Variants in RNF32 observed in about 807,000 individuals in gnomAD.
The protein encoded by RNF32 is ring finger protein 32.
In RNF32, 36 loss-of-function variants were observed where a neutral mutation model predicts 41.0. That is an observed-to-expected ratio of 0.88 (90% CI 0.67 to 1.16). RNF32 has a LOEUF of 1.16. Ranked by LOEUF, RNF32 falls within the 50% of genes most tolerant of loss-of-function variation. The pLI is 0.00. For missense variants in RNF32, 413 were observed against 436.7 expected (o/e 0.95, Z 0.48); for synonymous variants, 154 against 160.9 (o/e 0.96, Z 0.32).
intron 4 of RNF32, 181 bp from the exon 5 acceptor site, chr7:156,657,359 AT>A (rs1799859234): frequency 3.4e-6 from 2 of 596,298 alleles, no homozygotes; most frequent in Non-Finnish European, 6.0e-6. Context: ...AATTTTTGTT[AT>A]TTAGAGTATA....
chr7:156,662,954 TCTC>T (rs1800854728), intron 7 of RNF32, among the ~76,000 whole-genome samples: 2 of 151,684 alleles, frequency 1.3e-5, no homozygotes. Context: ...TTCAGGCCAT[TCTC>T]CTGCCTCAGC....
intron 7 of RNF32, among the ~76,000 whole-genome samples, chr7:156,672,674 G>A (rs1254869364): frequency 6.6e-6 from 1 of 152,198 alleles, no homozygotes; most frequent in South Asian, 2.1e-4. Flanking sequence ...ACGTATGATA[G>A]AATATATGCA....
chr7:156,673,985 A>C (rs143982923), intron 7 of RNF32, among the ~76,000 whole-genome samples: 217 of 152,168 alleles, frequency 1.4e-3, no homozygotes, highest in African/African-American at 4.3e-3. Context: ...GTCATGGACC[A>C]TCCAAAATGC....
chr7:156,657,596 C>T (rs770614301), intron 5 of RNF32, 23 bp downstream of exon 5: 3 of 1,611,684 alleles, frequency 1.9e-6, no homozygotes, highest in African/African-American at 1.3e-5. Flanking sequence ...CTCACGCCTG[C>T]CCAGGTGCTG....
intron 7 of RNF32, among the ~76,000 whole-genome samples, chr7:156,660,868 CAA>C (rs1197794107): frequency 2.0e-5 from 3 of 152,220 alleles, no homozygotes; most frequent in Non-Finnish European, 4.4e-5. Context: ...GAGTTACAGG[CAA>C]AGACATCAGT....
At chr7:156,661,093 G>A (rs750140607) in intron 7 of RNF32, among the ~76,000 whole-genome samples, 5 of 152,200 alleles carry the variant, frequency 3.3e-5, no homozygotes, top group African/African-American at 9.7e-5. Flanking sequence ...GTCCCTTGCC[G>A]GGCATGGCCT....
At chr7:156,666,732 A>T (rs934714823) in intron 7 of RNF32, among the ~76,000 whole-genome samples, 1 of 152,202 alleles carries the variant, frequency 6.6e-6, no homozygotes, top group African/African-American at 2.4e-5. Context: ...AAGCTGTTCT[A>T]CTAATACCTA....
At chr7:156,661,938 G>A (rs916913143) in intron 7 of RNF32, among the ~76,000 whole-genome samples, 19 of 152,014 alleles carry the variant, frequency 1.2e-4, no homozygotes, top group African/African-American at 4.4e-4. Flanking sequence ...ATACATATAC[G>A]CACACACACT....
intron 7 of RNF32, chr7:156,659,786 T>A: frequency 1.2e-5 from 8 of 688,970 alleles, no homozygotes; most frequent in Non-Finnish European, 1.4e-5. Context: ...TGTTATCTTG[T>A]AAAGTAGCCA....
rs142953352 is a variant in RNF32 at position 156,664,275 on chromosome 7, A to C, written c.684+5705A>C. Among the ~76,000 whole-genome samples the C allele has an allele frequency of 1.5e-3, 222 of 152,156 alleles. 6 individuals are homozygous for C. In the East Asian group the frequency reaches 0.037, roughly 26 times the overall value. On this transcript the variant is annotated intron_variant, in intron 7 of 8. Transcript: ENST00000317955. ...TCGGGAGTTCGAGACCAGCCTGACC[A>C]ACATGGAGAAACCCCTTCTCTACTA...
intron 7 of RNF32, among the ~76,000 whole-genome samples, chr7:156,663,446 A>T (rs561524522): frequency 1.2e-3 from 183 of 152,244 alleles, no homozygotes; most frequent in African/African-American, 4.1e-3. Flanking sequence ...ATAAGAAAAA[A>T]TTTTTTCTGA....
chr7:156,649,424 G>T (rs1585014244), intron 3 of RNF32, among the ~76,000 whole-genome samples: 1 of 151,166 alleles, frequency 6.6e-6, no homozygotes, highest in Non-Finnish European at 1.5e-5. Context: ...TTTTAATCTG[G>T]CCAGGATCTC....
At chr7:156,659,042 C>T (rs991552025) in intron 7 of RNF32, 10 of 1,406,506 alleles carry the variant, frequency 7.1e-6, no homozygotes, top group Non-Finnish European at 8.3e-6. Context: ...GAGCTAACTT[C>T]CATGTCTACC....
intron 7 of RNF32, 136 bp downstream of exon 7, chr7:156,658,706 T>A (rs1323041184): frequency 2.6e-6 from 2 of 760,860 alleles, no homozygotes; most frequent in Non-Finnish European, 4.3e-6. Context: ...GGTGAGATGC[T>A]GCTAAAAATC....
At chr7:156,665,470 CA>C (rs1801218829) in intron 7 of RNF32, among the ~76,000 whole-genome samples, 1 of 152,198 alleles carries the variant, frequency 6.6e-6, no homozygotes, top group African/African-American at 2.4e-5. Context: ...ATCTGGGGAA[CA>C]ACAGTTTTTA....
chr7:156,644,801 A>C (rs1250274081), intron 3 of RNF32, 44 bp downstream of exon 3: 1 of 1,562,738 alleles, frequency 6.4e-7, no homozygotes, highest in South Asian at 1.2e-5. Flanking sequence ...TTAGGGCTAA[A>C]AAAATCTATT....
Position 156,675,736 on chromosome 7 carries a change from C to A in RNF32, c.725C>A (p.Thr242Asn). 1 of 1,613,936 alleles carries A rather than the reference C, an allele frequency of 6.2e-7. No individual in the cohort carries two copies. The highest frequency in any genetic ancestry group is 1.1e-5 in the South Asian group (1 of 91,056). ...CACCGCATCCTGTGCTCATACAACACCAACATTGAAGAGCTCTTTGCAGAA... is the reference window on the plus strand; with the variant it reads ...CACCGCATCCTGTGCTCATACAACAACAACATTGAAGAGCTCTTTGCAGAA... ...ISHRILCSYN[T>N]NIEELFAEID... Residue 242 changes from threonine to asparagine, a missense_variant, in exon 8 of 9, where the codon ACC (threonine) becomes AAC (asparagine). Coordinates refer to ENST00000317955, the MANE Select transcript of RNF32 (RefSeq NM_030936.4).
chr7:156,660,579 G>A lies in RNF32; in HGVS notation c.684+2009G>A, dbSNP rs1456417825. Among the ~76,000 whole-genome samples, 4 of 152,186 alleles carry A rather than the reference G, an allele frequency of 2.6e-5. No homozygotes were observed. The East Asian group carries it at 7.7e-4, about 29-fold the overall frequency. ...GCCCAGGCTGGCCTCAAATTCCTGG[G>A]CTGAAGCGAACCTCCCACCTCAGCC... is the stretch of plus-strand genomic sequence containing the variant. On this transcript the variant is annotated intron_variant, in intron 7 of 8. Coordinates refer to ENST00000317955, the MANE Select transcript of RNF32 (RefSeq NM_030936.4).
At position 156,669,416 on chromosome 7, in the gene RNF32, T is replaced by C. The variant is rs1801964919; in HGVS notation, c.685-6280T>C. On this transcript the variant is annotated intron_variant, in intron 7 of 8. Coordinates refer to ENST00000317955, the MANE Select transcript of RNF32 (RefSeq NM_030936.4). The surrounding 1 kb of genome is among the most constrained non-coding windows in gnomAD (Gnocchi z 4.2). ...TGAGATGTTTGAAATAAGGTGGAAATGTCTGAGGAGATGCACCCTGAACCC... is the reference window on the plus strand; with the variant it reads ...TGAGATGTTTGAAATAAGGTGGAAACGTCTGAGGAGATGCACCCTGAACCC... The C allele has an allele frequency of 6.6e-6, 1 of 152,056 alleles. No homozygotes were observed. Among genetic ancestry groups the C allele is most frequent in the South Asian group, 2.1e-4 (1 of 4,820 alleles). The allele number at this position is 152,056 out of a possible 1,614,324, so 9.4% of individuals were successfully genotyped here.
Sources: allele counts gnomAD v4.1 joint callset (sites outside exome capture counted in the v4.1 genomes callset), GRCh38; gene constraint gnomAD v4.1.1; non-coding constraint Gnocchi (gnomAD v3.1); transcripts MANE v1.5; gene names NCBI Gene and HGNC (gene_info 2026-07-23, HGNC 2026-07-21).